Variants in KIF5C observed in about 807,000 individuals in gnomAD.
The protein encoded by KIF5C is kinesin heavy chain isoform 5C.
KIF5C carries 18 observed loss-of-function variants against 125.2 expected under a neutral mutation model. The ratio of observed to expected loss-of-function variants is 0.14; its 90% CI spans 0.10 to 0.21. KIF5C has a LOEUF of 0.21. KIF5C is among the 10% of genes least tolerant of loss of function. KIF5C has a pLI of 1.00. For missense variants in KIF5C, 780 were observed against 1,183.8 expected, an observed-to-expected ratio of 0.66 and a Z score of 5.01; for synonymous variants, 405 against 434.0, an observed-to-expected ratio of 0.93 and a Z score of 0.83.
chr2:148,962,729 T>C (rs1201136794), intron 11 of KIF5C, among the ~76,000 whole-genome samples: 1 of 152,240 alleles, frequency 6.6e-6, no homozygotes, highest in Non-Finnish European at 1.5e-5. Flanking sequence ...AATATTGTAA[T>C]AACTTGCTGG....
At chr2:148,984,971 A>G (rs1309957686) in intron 15 of KIF5C, among the ~76,000 whole-genome samples, 1 of 151,694 alleles carries the variant, frequency 6.6e-6, no homozygotes, top group African/African-American at 2.4e-5. Context: ...TTTTATTATT[A>G]TTATTTTTTT....
rs192416178 is a variant in KIF5C, at chr2:148,924,723, A to G, written c.217+2496A>G. On this transcript the variant is annotated intron_variant, in intron 2 of 25. Transcript: ENST00000435030. The surrounding 1 kb of genome is among the most constrained non-coding windows in gnomAD (Gnocchi z 4.0). ...TGGATGCTATTATTGAAGTACTGTA[A>G]CTATGTCCCAGCCTACAGAAGCCAC... Among the ~76,000 whole-genome samples the G allele has an allele frequency of 9.2e-5, 14 of 152,290 alleles. No individual in the cohort carries two copies. The highest frequency in any genetic ancestry group is 3.1e-4 in the African/African-American group (13 of 41,556).
At chr2:148,925,646 GC>G (rs1681961701) in intron 2 of KIF5C, among the ~76,000 whole-genome samples, 1 of 152,102 alleles carries the variant, frequency 6.6e-6, no homozygotes, top group South Asian at 2.1e-4. Context: ...GTACTCCCCT[GC>G]CCCCCTTTCC....
At position 148,941,520 on chromosome 2, in the gene KIF5C, G is replaced by C. The variant is rs192069289; in HGVS notation, c.397-90G>C. On this transcript the variant is annotated intron_variant, in intron 4 of 25. Transcript: ENST00000435030. ...CCCTCTTCTTACTCTTCTTAGCCAT[G>C]CATGATGAAAGCTTTCATAAGTACT... The C allele has an allele frequency of 2.6e-3, 3,906 of 1,495,242 alleles. 9 individuals are homozygous for C. Among genetic ancestry groups the C allele is most frequent in the Non-Finnish European group, 3.3e-3 (3,620 of 1,103,782 alleles). 92.6% of individuals were successfully genotyped at this position (1,495,242 alleles called of 1,614,324 possible). A position where few individuals can be genotyped will look rare whatever the true frequency, so the allele number is the denominator to read the frequency against.
intron 25 of KIF5C, among the ~76,000 whole-genome samples, chr2:149,016,056 G>T (rs1006007665): frequency 4.6e-5 from 7 of 152,238 alleles, no homozygotes; most frequent in African/African-American, 1.7e-4. Flanking sequence ...AGCAACCTGG[G>T]AGAAAGTGGT....
intron 7 of KIF5C, among the ~76,000 whole-genome samples, chr2:148,944,063 T>C (rs939576959): frequency 2.0e-5 from 3 of 152,230 alleles, no homozygotes; most frequent in African/African-American, 7.2e-5. Flanking sequence ...ATTTATGGCA[T>C]ACCTGATAAT....
At chr2:148,937,863 A>G (rs1385519074) in intron 4 of KIF5C, among the ~76,000 whole-genome samples, 4 of 152,238 alleles carry the variant, frequency 2.6e-5, no homozygotes, top group African/African-American at 9.6e-5. Flanking sequence ...GCATTAGATT[A>G]CATTTCCCAG....
intron 1 of KIF5C, among the ~76,000 whole-genome samples, chr2:148,900,860 T>C (rs1451025030): frequency 6.6e-6 from 1 of 152,124 alleles, no homozygotes; most frequent in African/African-American, 2.4e-5. Context: ...GTACCTGGTC[T>C]AGAAGGGGGC....
At chr2:148,895,413 C>T (rs1374871163) in intron 1 of KIF5C, among the ~76,000 whole-genome samples, 1 of 152,164 alleles carries the variant, frequency 6.6e-6, no homozygotes, top group Non-Finnish European at 1.5e-5. Context: ...CCTGGGATTA[C>T]AGGTGTGAGC....
intron 8 of KIF5C, 54 bp from the exon 9 acceptor site, chr2:148,949,785 A>C: frequency 6.3e-7 from 1 of 1,574,918 alleles, no homozygotes; most frequent in South Asian, 1.2e-5. Flanking sequence ...TGAAATTTCT[A>C]CTTTGTGCTT....
At chr2:148,974,638 A>G (rs1681012825) in intron 12 of KIF5C, among the ~76,000 whole-genome samples, 2 of 152,196 alleles carry the variant, frequency 1.3e-5, no homozygotes, top group Admixed American at 6.5e-5. Flanking sequence ...CTATCTATGT[A>G]TTTTATGCAA....
chr2:148,896,223 G>A (rs777487960), intron 1 of KIF5C, among the ~76,000 whole-genome samples: 14 of 152,152 alleles, frequency 9.2e-5, no homozygotes, highest in Non-Finnish European at 2.1e-4. Flanking sequence ...ACAAAGTTTA[G>A]ATTCCCTAGA....
chr2:148,974,426 G>T (rs1477948405), intron 12 of KIF5C, among the ~76,000 whole-genome samples: 4 of 152,132 alleles, frequency 2.6e-5, no homozygotes, highest in Non-Finnish European at 5.9e-5. Flanking sequence ...TCAGAGACTG[G>T]TATGACCTTT....
At chr2:148,908,087 A>G (rs923181211) in intron 1 of KIF5C, among the ~76,000 whole-genome samples, 4 of 152,248 alleles carry the variant, frequency 2.6e-5, no homozygotes, top group Non-Finnish European at 5.9e-5. Flanking sequence ...TTGCCCACAA[A>G]CACCAATGTG....
intron 1 of KIF5C, among the ~76,000 whole-genome samples, chr2:148,905,203 A>C (rs545301253): frequency 6.6e-6 from 1 of 152,292 alleles, no homozygotes; most frequent in African/African-American, 2.4e-5. Context: ...AAAAATATTA[A>C]ATTAAAGGTA....
chr2:148,994,861 C>G (rs1681623600), intron 17 of KIF5C, among the ~76,000 whole-genome samples: 1 of 152,030 alleles, frequency 6.6e-6, no homozygotes, highest in Non-Finnish European at 1.5e-5. Flanking sequence ...GTCACCACAC[C>G]TGGCTAATTT....
intron 10 of KIF5C, among the ~76,000 whole-genome samples, chr2:148,950,845 T>C (rs1682641608): frequency 6.6e-6 from 1 of 151,528 alleles, no homozygotes; most frequent in Admixed American, 6.6e-5. Flanking sequence ...CAAGGGGCTA[T>C]TGTCAGAGAA....
At chr2:148,942,893 C>T in intron 7 of KIF5C, 133 bp downstream of exon 7, 2 of 1,468,420 alleles carry the variant, frequency 1.4e-6, no homozygotes, top group Non-Finnish European at 1.8e-6. Flanking sequence ...TGCTCGGACA[C>T]AGACGCCAGG....
chr2:148,925,853 C>T (rs901689627), intron 2 of KIF5C, among the ~76,000 whole-genome samples: 1 of 152,208 alleles, frequency 6.6e-6, no homozygotes, highest in African/African-American at 2.4e-5. Context: ...TGATGAGGTG[C>T]GTTTCCATTC....
Sources: gnomAD v4.1 joint callset for allele counts (sites outside exome capture counted in the v4.1 genomes callset) on GRCh38, gnomAD v4.1.1 for gene constraint, Gnocchi (gnomAD v3.1) non-coding constraint, MANE v1.5 for transcripts, NCBI Gene and HGNC (gene_info 2026-07-23, HGNC 2026-07-21) for gene names.